The following RAB11FIP1 variants were observed in gnomAD, a reference collection of about 807,000 sequenced individuals.
The protein encoded by RAB11FIP1 is RAB11 family interacting protein 1.
RAB11FIP1 carries 49 observed loss-of-function variants against 83.1 expected under a neutral mutation model. The observed-to-expected ratio is 0.59, with a 90% CI of 0.47 to 0.75. RAB11FIP1 has a LOEUF of 0.75. Ranked by LOEUF, RAB11FIP1 falls within the 30% of genes least tolerant of loss-of-function variation. The pLI is 0.00. For missense variants in RAB11FIP1, 1,536 were observed against 1,598.7 expected (o/e 0.96, Z 0.67); for synonymous variants, 670 against 656.0 (o/e 1.02, Z -0.33).
chr8:37,870,951 C>G (rs1451233981), intron 4 of RAB11FIP1: 5 of 332,974 alleles, frequency 1.5e-5, no homozygotes, highest in Non-Finnish European at 2.7e-5. Flanking sequence ...GTTTTTGACA[C>G]TGCTAGATAC....
intron 1 of RAB11FIP1, among the ~76,000 whole-genome samples, chr8:37,879,817 A>C (rs1007367425): frequency 6.6e-6 from 1 of 152,240 alleles, no homozygotes; most frequent in African/African-American, 2.4e-5. Context: ...CGGGAGAGGG[A>C]GGTTGTAGTG....
intron 5 of RAB11FIP1, among the ~76,000 whole-genome samples, chr8:37,866,496 T>A (rs549551950): frequency 6.6e-6 from 1 of 152,182 alleles, no homozygotes; most frequent in Admixed American, 6.6e-5. Context: ...TCCTTTTACA[T>A]AGTTGTGATA....
chr8:37,880,821 A>C (rs897217735), intron 1 of RAB11FIP1, among the ~76,000 whole-genome samples: 88 of 151,968 alleles, frequency 5.8e-4, no homozygotes, highest in African/African-American at 2.1e-3. Context: ...ATACAATGGG[A>C]CAAATAACTC....
At position 37,862,640 on chromosome 8, in the gene RAB11FIP1, G is replaced by A. The variant is rs919907084; in HGVS notation, c.*255C>T. The A allele has an allele frequency of 2.5e-6, 1 of 400,516 alleles. No homozygotes were observed. Among genetic ancestry groups the A allele is most frequent in the African/African-American group, 2.0e-5 (1 of 49,914 alleles). The allele number at this position is 400,516 out of a possible 1,614,324, so 24.8% of individuals were successfully genotyped here. Reference sequence around the variant, plus strand: ...ATCAGATCTTATGACCACATCTCTGGTGGGCATAAAATATTTACAACCTTG... The same window carrying A: ...ATCAGATCTTATGACCACATCTCTGATGGGCATAAAATATTTACAACCTTG... On this transcript the variant is annotated 3_prime_UTR_variant, in exon 6 of 6. Coordinates refer to ENST00000330843, the MANE Select transcript of RAB11FIP1 (RefSeq NM_001002814.3).
chr8:37,875,043 G>A lies in RAB11FIP1; in HGVS notation c.1094C>T (p.Ser365Phe). ...ACCTCCTTCAGCAGGCTCCTTCCAA[G>A]ACCCAGCCGCCAGGTTCTCTGTAGA... ...FSSTENLAAG[S>F]WKEPAEGGGL... Residue 365 changes from serine (S) to phenylalanine (F), a missense_variant, in exon 3 of 6, where the codon TCT becomes TTT. By Grantham distance (155) the Ser-to-Phe change is radical (BLOSUM62 -2). Transcript: ENST00000330843. 1 of 1,614,152 alleles carries A rather than the reference G, an allele frequency of 6.2e-7. No individual in the cohort carries two copies. Among genetic ancestry groups the A allele is most frequent in the South Asian group, 1.1e-5 (1 of 91,082 alleles).
intron 1 of RAB11FIP1, among the ~76,000 whole-genome samples, chr8:37,892,708 G>T (rs1321091436): frequency 6.6e-6 from 1 of 152,114 alleles, no homozygotes; most frequent in Non-Finnish European, 1.5e-5. Flanking sequence ...AAAGTACTGG[G>T]ATTATAGGTG....
At position 37,872,698 on chromosome 8, in the gene RAB11FIP1, G is replaced by C; in HGVS notation, c.2104C>G (p.Gln702Glu). Residue 702 changes from glutamine to glutamate, a missense_variant, in exon 4 of 6, where the codon CAA becomes GAA. By Grantham distance (29) the Gln-to-Glu change is conservative. Transcript: ENST00000330843. ...GGGAATCTCGGAAGTTCTTCCTCTT[G>C]TCGCCCTGTTTCAGGCTGCTCTGGG... ...SLPEQPETGRQEEELPRFPCK... is the reference protein window; with the variant it reads ...SLPEQPETGREEEELPRFPCK... 1.2e-6 allele frequency: 2 copies of C among 1,614,190 alleles called. No homozygotes were observed. The highest frequency in any genetic ancestry group is 3.3e-4 in the Middle Eastern group (2 of 6,062).
intron 1 of RAB11FIP1, among the ~76,000 whole-genome samples, chr8:37,885,972 C>A (rs1030005395): frequency 2.0e-5 from 3 of 152,234 alleles, no homozygotes; most frequent in Admixed American, 2.0e-4. Flanking sequence ...CCGTGCAGCC[C>A]TGCAGATATT....
intron 4 of RAB11FIP1, 36 bp downstream of exon 4, chr8:37,871,242 C>T: frequency 2.6e-6 from 4 of 1,552,482 alleles, no homozygotes; most frequent in Non-Finnish European, 3.5e-6. Flanking sequence ...GGGGACATTG[C>T]TCACATTTAC....
Position 37,872,634 on chromosome 8 carries a change from G to C in RAB11FIP1, c.2168C>G (p.Ala723Gly). The C allele has an allele frequency of 1.9e-6, 3 of 1,614,196 alleles. No homozygotes were observed. The highest frequency in any genetic ancestry group is 2.5e-6 in the Non-Finnish European group (3 of 1,180,044). Residue 723 changes from alanine (A) to glycine (G), a missense_variant, in exon 4 of 6, where the codon GCC (alanine) becomes GGC (glycine). Coordinates refer to ENST00000330843, the MANE Select transcript of RAB11FIP1 (RefSeq NM_001002814.3). Reference sequence around the variant, plus strand: ...TGAAAGGGCAAACGGTACTTCCTGGGCTTCTCCAGATGATGGGCTGTAGTC... The same window carrying C: ...TGAAAGGGCAAACGGTACTTCCTGGCCTTCTCCAGATGATGGGCTGTAGTC... ...KQDYSPSSGEAQEVPFALSLS... is the reference protein window; with the variant it reads ...KQDYSPSSGEGQEVPFALSLS...
chr8:37,874,716 T>C lies in RAB11FIP1; in HGVS notation c.1421A>G (p.Glu474Gly), dbSNP rs1465420914. ...EGMLMGVKPG[E>G]DASGPAEDLV... ...GTCTTCAGCAGGCCCCGATGCGTCC[T>C]CCCCCGGCTTAACCCCCATCAGCAT... The change falls in exon 3 of 6, where the codon GAG becomes GGG. Residue 474 changes from glutamate (E) to glycine (G), a missense_variant. Glu to Gly is a moderately conservative substitution (Grantham distance 98). Coordinates refer to ENST00000330843, the MANE Select transcript of RAB11FIP1 (RefSeq NM_001002814.3). The C allele has an allele frequency of 6.2e-7, 1 of 1,614,016 alleles. No homozygotes were observed. The highest frequency in any genetic ancestry group is 8.5e-7 in the Non-Finnish European group (1 of 1,180,000).
Position 37,872,337 on chromosome 8 carries a change from G to C in RAB11FIP1, c.2465C>G (p.Ala822Gly). 6.2e-7 allele frequency: 1 copy of C among 1,614,160 alleles called. No individual in the cohort carries two copies. The highest frequency in any genetic ancestry group is 1.1e-5 in the South Asian group (1 of 91,082). The change falls in exon 4 of 6, where the codon GCG becomes GGG. Residue 822 changes from alanine (A) to glycine (G), a missense_variant. Physicochemically the swap from Ala to Gly is moderately conservative, Grantham distance 60 (BLOSUM62 0). Transcript: ENST00000330843. ...TCCTTCCACCAGCAAGGCAGCCCCC[G>C]CCACTGCCTCTTCCGTGAAGAGCTG... ...SEQLFTEEAV[A>G]GAALLVEGHS... is the part of the protein sequence containing the mutation.
intron 5 of RAB11FIP1, among the ~76,000 whole-genome samples, chr8:37,863,547 C>G (rs1358102284): frequency 6.6e-6 from 1 of 152,152 alleles, no homozygotes; most frequent in Non-Finnish European, 1.5e-5. Flanking sequence ...CGTGCCCAGC[C>G]AGGGAATCCG....
intron 1 of RAB11FIP1, among the ~76,000 whole-genome samples, chr8:37,882,811 T>C (rs1314787536): frequency 6.6e-6 from 1 of 152,186 alleles, no homozygotes; most frequent in East Asian, 1.9e-4. Context: ...TTGCACTTCC[T>C]AATGGTTTTT....
chr8:37,863,030 T>C lies in RAB11FIP1; in HGVS notation c.3717A>G (p.Glu1239=), dbSNP rs758415556. The change falls in exon 6 of 6, where the codon GAA becomes GAG. Residue 1239 remains glutamate, a synonymous_variant. Transcript: ENST00000330843. Reference sequence around the variant, plus strand: ...CCTGGAACTCCTTCTTGCTTATCGTTTCCTTCTGTTTGAGGACCAGCTGAA... The same window carrying C: ...CCTGGAACTCCTTCTTGCTTATCGTCTCCTTCTGTTTGAGGACCAGCTGAA... ...ELIQLVLKQK[E]TISKKEFQVR... 11 of 1,613,488 alleles carry C rather than the reference T, an allele frequency of 6.8e-6. No homozygotes were observed. Among genetic ancestry groups the C allele is most frequent in the Middle Eastern group, 1.8e-4 (1 of 5,692 alleles).
At chr8:37,863,682 TG>T (rs1350987906) in intron 5 of RAB11FIP1, among the ~76,000 whole-genome samples, 2 of 152,244 alleles carry the variant, frequency 1.3e-5, no homozygotes, top group African/African-American at 4.8e-5. Flanking sequence ...CTTGGTTTTT[TG>T]GTCTGTTTGT....
chr8:37,878,552 A>G (rs1806668376), intron 1 of RAB11FIP1, among the ~76,000 whole-genome samples: 1 of 150,896 alleles, frequency 6.6e-6, no homozygotes, highest in African/African-American at 2.4e-5. Context: ...AAAAAAAAAA[A>G]AAAAGCAAAG....
chr8:37,892,820 A>G (rs1718383973), intron 1 of RAB11FIP1, among the ~76,000 whole-genome samples: 1 of 152,032 alleles, frequency 6.6e-6, no homozygotes, highest in Non-Finnish European at 1.5e-5. Context: ...CTCATCTTAC[A>G]CAAGCACGCC....
At chr8:37,898,218 A>G (rs1394569283) in intron 1 of RAB11FIP1, among the ~76,000 whole-genome samples, 1 of 152,216 alleles carries the variant, frequency 6.6e-6, no homozygotes, top group Non-Finnish European at 1.5e-5. Flanking sequence ...TGCAGATTCA[A>G]AAGCGCCCCA....
Sources: allele counts gnomAD v4.1 joint callset (sites outside exome capture counted in the v4.1 genomes callset), GRCh38; gene constraint gnomAD v4.1.1; transcripts MANE v1.5; gene names NCBI Gene and HGNC (gene_info 2026-07-23, HGNC 2026-07-21).